Variants in SYNDIG1 observed in about 807,000 individuals in gnomAD.
SYNDIG1 encodes the protein synapse differentiation-inducing gene protein 1.
A neutral mutation model predicts 19.4 loss-of-function variants in SYNDIG1; 9 were observed. The ratio of observed to expected loss-of-function variants is 0.46; its 90% CI spans 0.28 to 0.81. SYNDIG1 has a LOEUF of 0.81. Ranked by LOEUF, SYNDIG1 falls within the 30% of genes least tolerant of loss-of-function variation. SYNDIG1 has a pLI of 0.12. For synonymous variants in SYNDIG1, 141 were observed against 145.9 expected, an observed-to-expected ratio of 0.97 and a Z score of 0.24; for missense variants, 311 against 343.3, an observed-to-expected ratio of 0.91 and a Z score of 0.74.
chr20:24,575,960 C>T (rs1363420496), intron 2 of SYNDIG1, among the ~76,000 whole-genome samples: 1 of 152,138 alleles, frequency 6.6e-6, no homozygotes, highest in Non-Finnish European at 1.5e-5. Context: ...CCACCACTTG[C>T]CCCTTCATGG....
At chr20:24,477,713 C>T (rs1405809329) in intron 1 of SYNDIG1, among the ~76,000 whole-genome samples, 1 of 152,176 alleles carries the variant, frequency 6.6e-6, no homozygotes, top group African/African-American at 2.4e-5. Flanking sequence ...CCAGTGTGTC[C>T]TGTACATTAT....
intron 1 of SYNDIG1, among the ~76,000 whole-genome samples, chr20:24,518,789 C>T (rs2056942611): frequency 6.6e-6 from 1 of 152,164 alleles, no homozygotes; most frequent in Non-Finnish European, 1.5e-5. Flanking sequence ...ACTCGTGAAA[C>T]CATGGTCTTC....
At chr20:24,617,852 A>G (rs1172718512) in intron 3 of SYNDIG1, among the ~76,000 whole-genome samples, 9 of 13,930 alleles carry the variant, frequency 6.5e-4, no homozygotes, top group South Asian at 1.9e-3. Context: ...GTCCTGGGGG[A>G]GGGTATGGGA....
At chr20:24,513,377 A>G (rs972825633) in intron 1 of SYNDIG1, among the ~76,000 whole-genome samples, 1 of 152,326 alleles carries the variant, frequency 6.6e-6, no homozygotes, top group East Asian at 1.9e-4. Context: ...AAAACCTTGA[A>G]AAAAGCTTAG....
chr20:24,520,480 C>G (rs2056981376), intron 1 of SYNDIG1, among the ~76,000 whole-genome samples: 1 of 151,938 alleles, frequency 6.6e-6, no homozygotes, highest in African/African-American at 2.4e-5. Context: ...CGGATCACAA[C>G]CTCAAGAGTT....
chr20:24,481,008 T>C (rs1163586430), intron 1 of SYNDIG1, among the ~76,000 whole-genome samples: 1 of 152,098 alleles, frequency 6.6e-6, no homozygotes, highest in Non-Finnish European at 1.5e-5. Flanking sequence ...GGGTATAGAG[T>C]TGCATACGTG....
intron 2 of SYNDIG1, among the ~76,000 whole-genome samples, chr20:24,547,502 T>C (rs2057603667): frequency 6.6e-6 from 1 of 152,120 alleles, no homozygotes. Flanking sequence ...GACAGGTAGA[T>C]GTAGGGGACC....
intron 3 of SYNDIG1, among the ~76,000 whole-genome samples, chr20:24,661,674 A>C (rs73100749): frequency 0.095 from 14,434 of 151,934 alleles, 735 homozygotes; most frequent in African/African-American, 0.1. Flanking sequence ...AAGATACATT[A>C]TTGGATAAAC....
intron 1 of SYNDIG1, among the ~76,000 whole-genome samples, chr20:24,503,762 T>C (rs2056515661): frequency 6.6e-6 from 1 of 152,120 alleles, no homozygotes; most frequent in Non-Finnish European, 1.5e-5. Flanking sequence ...CTCATTGAGC[T>C]CATGATCTGC....
chr20:24,600,641 T>C (rs1308385373), intron 3 of SYNDIG1, among the ~76,000 whole-genome samples: 3 of 148,740 alleles, frequency 2.0e-5, no homozygotes, highest in Non-Finnish European at 4.5e-5. Flanking sequence ...AGTTTCACTC[T>C]TGTCACCTAG....
chr20:24,518,991 G>A (rs945823880), intron 1 of SYNDIG1, among the ~76,000 whole-genome samples: 1 of 152,154 alleles, frequency 6.6e-6, no homozygotes, highest in Non-Finnish European at 1.5e-5. Flanking sequence ...GGGCGGCGCA[G>A]CCCATTACTA....
At chr20:24,544,599 C>G (rs562189698) in intron 2 of SYNDIG1, among the ~76,000 whole-genome samples, 1 of 152,042 alleles carries the variant, frequency 6.6e-6, no homozygotes, top group Non-Finnish European at 1.5e-5. Flanking sequence ...GAACTCCAAG[C>G]ATGTATGTGT....
chr20:24,563,682 G>A, intron 2 of SYNDIG1, among the ~76,000 whole-genome samples: 1 of 152,150 alleles, frequency 6.6e-6, no homozygotes, highest in Non-Finnish European at 1.5e-5. Flanking sequence ...GCTCAGTTAA[G>A]CCTTGACCTC....
intron 3 of SYNDIG1, among the ~76,000 whole-genome samples, chr20:24,609,621 G>A (rs2058815635): frequency 6.6e-6 from 1 of 152,168 alleles, no homozygotes; most frequent in African/African-American, 2.4e-5. Context: ...ATTGCTCAGG[G>A]GATTTGGAAA....
In SYNDIG1 at chr20:24,576,983, C is replaced by T. The variant is rs185309577; in HGVS notation, c.481-7873C>T. On this transcript the variant is annotated intron_variant, in intron 2 of 3. Transcript: ENST00000376862. ...GAGGGGTTTTGTCAGTTTGTTGTTGCTTGTTTCACACCAGTATGTGAAATA... is the reference window on the plus strand; with the variant it reads ...GAGGGGTTTTGTCAGTTTGTTGTTGTTTGTTTCACACCAGTATGTGAAATA... Among the ~76,000 whole-genome samples, 23 of 151,846 alleles carry T rather than the reference C, an allele frequency of 1.5e-4. 1 individual carries two copies. In the East Asian group the frequency reaches 4.4e-3, roughly 29 times the overall value.
At chr20:24,543,912 G>A (rs2057522827) in intron 2 of SYNDIG1, among the ~76,000 whole-genome samples, 1 of 152,174 alleles carries the variant, frequency 6.6e-6, no homozygotes, top group Non-Finnish European at 1.5e-5. Flanking sequence ...GACAAGATGA[G>A]AGAGGGACAC....
intron 3 of SYNDIG1, among the ~76,000 whole-genome samples, chr20:24,619,573 G>A (rs2059005185): frequency 6.6e-6 from 1 of 152,304 alleles, no homozygotes; most frequent in South Asian, 2.1e-4. Context: ...ACATAAACAA[G>A]AGCATGCATT....
intron 3 of SYNDIG1, among the ~76,000 whole-genome samples, chr20:24,616,669 G>A (rs2058939535): frequency 6.6e-6 from 1 of 152,238 alleles, no homozygotes; most frequent in Non-Finnish European, 1.5e-5. Context: ...AGGTGCAGGG[G>A]GTGAGGCAGC....
chr20:24,550,716 T>C (rs1028176222), intron 2 of SYNDIG1, among the ~76,000 whole-genome samples: 1 of 152,118 alleles, frequency 6.6e-6, no homozygotes, highest in African/African-American at 2.4e-5. Context: ...TTCACTGTGT[T>C]AGCCAGGATG....
Sources: allele counts gnomAD v4.1 joint callset (sites outside exome capture counted in the v4.1 genomes callset), GRCh38; gene constraint gnomAD v4.1.1; transcripts MANE v1.5; gene names NCBI Gene and HGNC (gene_info 2026-07-23, HGNC 2026-07-21).